DLGAP2: variants seen among roughly 807,000 people sequenced by gnomAD.
DLGAP2 encodes the protein DLG associated protein 2.
DLGAP2 carries 26 observed loss-of-function variants against 100.3 expected under a neutral mutation model. That is an observed-to-expected ratio of 0.26 (90% confidence interval 0.19 to 0.36). The LOEUF (loss-of-function observed/expected upper bound fraction) is 0.36, where lower values mean the gene tolerates loss of function less well. Among genes scored for constraint, DLGAP2 ranks in the 10% least tolerant of loss-of-function variants. The pLI, the probability that DLGAP2 is intolerant of heterozygous loss-of-function variation, is 1.00. For synonymous variants in DLGAP2, 886 were observed against 630.1 expected (o/e 1.41, Z -6.08); for missense variants, 1,858 against 1,453.2 (o/e 1.28, Z -4.53).
intron 2 of DLGAP2, among the ~76,000 whole-genome samples, chr8:1,226,655 A>G (rs1798422470): frequency 6.6e-6 from 1 of 152,184 alleles, no homozygotes; most frequent in Admixed American, 6.5e-5. Flanking sequence ...ACCTGAGTAG[A>G]TATTCTCAGA....
Position 1,529,579 on chromosome 8 carries a change from G to C in DLGAP2, c.173-19047G>C, listed in dbSNP as rs377761113. Reference sequence around the variant, plus strand: ...ACCCAAAGAGAGTGAGTCACCAGGTGCTGTCAAACCCAAGGCAGGGACTCG... The same window carrying C: ...ACCCAAAGAGAGTGAGTCACCAGGTCCTGTCAAACCCAAGGCAGGGACTCG... On this transcript the variant is annotated intron_variant, in intron 4 of 14. Transcript: ENST00000637795. Among the ~76,000 whole-genome samples, 33 of 152,320 alleles carry C rather than the reference G, an allele frequency of 2.2e-4. No homozygotes were observed. The East Asian group carries it at 2.3e-3, about 11-fold the overall frequency.
chr8:1,672,417 G>A (rs923772782), intron 10 of DLGAP2, among the ~76,000 whole-genome samples: 2 of 151,970 alleles, frequency 1.3e-5, no homozygotes, highest in African/African-American at 4.8e-5. Flanking sequence ...TAGTAGAGAT[G>A]GGGTTTCACC....
At chr8:807,054 G>T (rs960895174) in intron 1 of DLGAP2, among the ~76,000 whole-genome samples, 1 of 152,182 alleles carries the variant, frequency 6.6e-6, no homozygotes. Flanking sequence ...TTGACTGAAA[G>T]ACTTTCAGCC....
chr8:1,070,032 T>A (rs868057073), intron 2 of DLGAP2, among the ~76,000 whole-genome samples: 1 of 152,222 alleles, frequency 6.6e-6, no homozygotes. Flanking sequence ...GACTTAAAAG[T>A]ATGTGTTTCT....
intron 3 of DLGAP2, 140 bp downstream of exon 3, chr8:1,259,023 G>A (rs975160071): frequency 1.7e-5 from 12 of 689,522 alleles, no homozygotes; most frequent in East Asian, 6.8e-5. Flanking sequence ...TGATAGGAAC[G>A]TGAGTAAAAT....
rs182111084 is a variant in DLGAP2 at position 1,063,113 on chromosome 8, G to C, written c.73+155147G>C. Among the ~76,000 whole-genome samples, 84 of 152,322 alleles carry C rather than the reference G, an allele frequency of 5.5e-4. 1 individual carries two copies. Among genetic ancestry groups the C allele is most frequent in the Admixed American group, 3.9e-3 (60 of 15,304 alleles). ...TGCTGAGTGCAGTGAAAGATTGGGT[G>C]CCTCTTATCAGCTGCATTAAATAGG... is the stretch of plus-strand genomic sequence containing the variant. On this transcript the variant is annotated intron_variant, in intron 2 of 14. Coordinates refer to ENST00000637795, the MANE Select transcript of DLGAP2 (RefSeq NM_001346810.2).
intron 2 of DLGAP2, among the ~76,000 whole-genome samples, chr8:1,159,510 A>G (rs1302812453): frequency 2.0e-5 from 3 of 152,190 alleles, no homozygotes; most frequent in African/African-American, 4.8e-5. Flanking sequence ...TTATGGAGAC[A>G]CTGGATTTTT....
intron 2 of DLGAP2, among the ~76,000 whole-genome samples, chr8:1,213,818 G>C (rs1798157189): frequency 6.6e-6 from 1 of 152,160 alleles, no homozygotes; most frequent in Admixed American, 6.5e-5. Flanking sequence ...AGCCACCGCT[G>C]CCTCCTGACC....
chr8:942,672 G>T (rs1315063707), intron 2 of DLGAP2, among the ~76,000 whole-genome samples: 1 of 152,170 alleles, frequency 6.6e-6, no homozygotes, highest in Non-Finnish European at 1.5e-5. Flanking sequence ...TCGTATTTCA[G>T]TGAGGCAGAG....
At chr8:776,779 C>T (rs1821530461) in intron 1 of DLGAP2, among the ~76,000 whole-genome samples, 1 of 152,054 alleles carries the variant, frequency 6.6e-6, no homozygotes, top group African/African-American at 2.4e-5. Context: ...AGTATGTGGT[C>T]AGTTTTGGAA....
At position 1,417,165 on chromosome 8, in the gene DLGAP2, A is replaced by G. The variant is rs1563133722; in HGVS notation, c.107-84201A>G. Among the ~76,000 whole-genome samples the G allele has an allele frequency of 5.4e-4, 45 of 83,316 alleles. 5 individuals are homozygous for G. Among genetic ancestry groups the G allele is most frequent in the African/African-American group, 2.6e-3 (40 of 15,314 alleles). 54.7% of individuals were successfully genotyped at this position (83,316 alleles called of 152,430 possible). On this transcript the variant is annotated intron_variant, in intron 3 of 14. Transcript: ENST00000637795. The stretch of plus-strand genomic sequence containing the variant: ...GCGGGGGAGACTCTGAGTGAAGGGG[A>G]AGCCCCCGTTCATTTAGTGTCTGAG...
At chr8:1,061,792 G>C (rs180696178) in intron 2 of DLGAP2, among the ~76,000 whole-genome samples, 1 of 152,144 alleles carries the variant, frequency 6.6e-6, no homozygotes, top group Non-Finnish European at 1.5e-5. Flanking sequence ...TTTCCGTGGA[G>C]GGCTTTCCTC....
intron 3 of DLGAP2, among the ~76,000 whole-genome samples, chr8:1,467,569 G>A (rs189892958): frequency 6.2e-4 from 95 of 152,252 alleles, no homozygotes; most frequent in African/African-American, 2.1e-3. Flanking sequence ...GGGAGACCAC[G>A]GGCATTTGGT....
At chr8:1,651,309 A>G (rs1421121425) in intron 8 of DLGAP2, among the ~76,000 whole-genome samples, 2 of 152,170 alleles carry the variant, frequency 1.3e-5, no homozygotes, top group Admixed American at 1.3e-4. Flanking sequence ...CCTGAGCCCA[A>G]CCGAATGAAG....
chr8:1,235,356 G>A (rs112451549), intron 2 of DLGAP2, among the ~76,000 whole-genome samples: 17 of 130,650 alleles, frequency 1.3e-4, no homozygotes, highest in East Asian at 7.4e-4. Flanking sequence ...TATCTCACAC[G>A]TGGCGTCGTG....
intron 2 of DLGAP2, among the ~76,000 whole-genome samples, chr8:1,200,632 C>CG (rs1797850841): frequency 6.6e-6 from 1 of 152,174 alleles, no homozygotes; most frequent in South Asian, 2.1e-4. Context: ...TTGCGCTGGA[C>CG]GGCAAACTGC....
At chr8:1,100,876 AG>A (rs1804555594) in intron 2 of DLGAP2, among the ~76,000 whole-genome samples, 1 of 152,224 alleles carries the variant, frequency 6.6e-6, no homozygotes, top group South Asian at 2.1e-4. Flanking sequence ...AATTTCTTAA[AG>A]CCACTCATTT....
chr8:759,169 T>TCCTGTTATCAATACC (rs1821005100), intron 1 of DLGAP2, among the ~76,000 whole-genome samples: 1 of 70,758 alleles, frequency 1.4e-5, no homozygotes, highest in African/African-American at 4.3e-5. Context: ...CCCACAGCCT[T>TCCTGTTATCAATACC]CCCGTTATCA....
intron 12 of DLGAP2, among the ~76,000 whole-genome samples, chr8:1,686,088 G>C (rs1269314789): frequency 2.0e-5 from 3 of 152,110 alleles, no homozygotes; most frequent in Admixed American, 2.0e-4. Context: ...CCAAACAAAA[G>C]GAAATTCATA....
Sources: gnomAD v4.1 joint callset for allele counts (sites outside exome capture counted in the v4.1 genomes callset) on GRCh38, gnomAD v4.1.1 for gene constraint, MANE v1.5 for transcripts, NCBI Gene and HGNC (gene_info 2026-07-23, HGNC 2026-07-21) for gene names.